The following PARD3B variants were observed in gnomAD, a reference collection of about 807,000 sequenced individuals.
The protein encoded by PARD3B is partitioning defective 3 homolog B.
A neutral mutation model predicts 130.2 loss-of-function variants in PARD3B; 103 were observed. That is an observed-to-expected ratio of 0.79 (90% CI 0.67 to 0.93). The LOEUF (loss-of-function observed/expected upper bound fraction) is 0.93, where lower values mean the gene tolerates loss of function less well. PARD3B is among the 40% of genes least tolerant of loss of function. The pLI, the probability that PARD3B is intolerant of heterozygous loss-of-function variation, is 0.00. For synonymous variants in PARD3B, 583 were observed against 553.2 expected, an observed-to-expected ratio of 1.05 and a Z score of -0.76; for missense variants, 1,609 against 1,499.2, an observed-to-expected ratio of 1.07 and a Z score of -1.21.
chr2:205,425,574 AC>A (rs1559081654), intron 19 of PARD3B, among the ~76,000 whole-genome samples: 2 of 151,442 alleles, frequency 1.3e-5, no homozygotes, highest in African/African-American at 4.9e-5. Flanking sequence ...AAAAACAACA[AC>A]ATTTGATTTG....
At chr2:205,204,542 G>A (rs1223387779) in intron 15 of PARD3B, among the ~76,000 whole-genome samples, 2 of 152,170 alleles carry the variant, frequency 1.3e-5, no homozygotes, top group Non-Finnish European at 2.9e-5. Flanking sequence ...TGAGCTGAAT[G>A]GTATTGCCTA....
chr2:204,755,195 A>G (rs2040614638), intron 2 of PARD3B, among the ~76,000 whole-genome samples: 1 of 152,250 alleles, frequency 6.6e-6, no homozygotes, highest in South Asian at 2.1e-4. Flanking sequence ...TGCTAGTGCC[A>G]TAATTTAGGG....
chr2:204,914,296 A>G (rs901671033), intron 2 of PARD3B, among the ~76,000 whole-genome samples: 1 of 152,168 alleles, frequency 6.6e-6, no homozygotes, highest in Non-Finnish European at 1.5e-5. Context: ...TGCAAGCCTA[A>G]TCTTTCCTGG....
intron 1 of PARD3B, among the ~76,000 whole-genome samples, chr2:204,612,531 G>C (rs2033965732): frequency 6.6e-6 from 1 of 152,096 alleles, no homozygotes; most frequent in African/African-American, 2.4e-5. Flanking sequence ...AGATTGGTTT[G>C]CTTTGTCAAC....
intron 20 of PARD3B, among the ~76,000 whole-genome samples, chr2:205,456,307 A>C (rs2048274883): frequency 6.6e-6 from 1 of 152,118 alleles, no homozygotes; most frequent in African/African-American, 2.4e-5. Context: ...TATTACAAAC[A>C]GAGTTGCTAT....
intron 1 of PARD3B, among the ~76,000 whole-genome samples, chr2:204,559,210 A>C (rs1350913050): frequency 6.6e-6 from 1 of 152,240 alleles, no homozygotes; most frequent in East Asian, 1.9e-4. Context: ...ATTAAACTAA[A>C]GAGCTTCTGC....
chr2:205,406,659 CTTTTTTTTTTTTTTTTT>C (rs777517284), intron 19 of PARD3B, among the ~76,000 whole-genome samples: 2 of 87,426 alleles, frequency 2.3e-5, no homozygotes, highest in Admixed American at 2.5e-4. Context: ...TCTTGTGTAT[CTTTTTTTTTTTTTTTTT>C]TTTTTTTTTT....
chr2:204,728,260 T>C (rs2039328662), intron 2 of PARD3B, among the ~76,000 whole-genome samples: 1 of 152,070 alleles, frequency 6.6e-6, no homozygotes, highest in Non-Finnish European at 1.5e-5. Flanking sequence ...TTCTAGAAAG[T>C]TGTTGGGTAA....
chr2:205,599,185 G>A (rs1218208900), intron 22 of PARD3B, among the ~76,000 whole-genome samples: 1 of 152,304 alleles, frequency 6.6e-6, no homozygotes, highest in South Asian at 2.1e-4. Flanking sequence ...AGAGGTTCAT[G>A]AATATGTTAT....
Position 205,253,440 on chromosome 2 carries a change from C to T in PARD3B, c.2185+7618C>T, listed in dbSNP as rs1443990865. 1.4e-5 allele frequency: 8 copies of T among 563,602 alleles called. No individual in the cohort carries two copies. The East Asian group carries it at 3.8e-4, about 26-fold the overall frequency. The allele number at this position is 563,602 out of a possible 1,614,324, so 34.9% of individuals were successfully genotyped here. The stretch of plus-strand genomic sequence containing the variant: ...CTTGGCTGGGCTGGTGGATGGGAAG[C>T]CAGTATGGATCACCTTGTGGATGGA... On this transcript the variant is annotated intron_variant, in intron 16 of 22. Transcript: ENST00000406610. This position sits in a 1 kb window ranked among gnomAD's most constrained non-coding sequence, Gnocchi z 4.4.
chr2:204,949,370 T>A (rs1379544469), intron 2 of PARD3B, among the ~76,000 whole-genome samples: 1 of 152,000 alleles, frequency 6.6e-6, no homozygotes, highest in Non-Finnish European at 1.5e-5. Flanking sequence ...CAGGCTAGAG[T>A]CCAGTGGCAC....
At chr2:204,898,848 A>C (rs1236977404) in intron 2 of PARD3B, among the ~76,000 whole-genome samples, 2 of 152,144 alleles carry the variant, frequency 1.3e-5, no homozygotes, top group Admixed American at 1.3e-4. Context: ...CTCTTGCCGA[A>C]TTGACCTCTT....
At chr2:205,317,517 GGTAACCAACTCA>G (rs2042602522) in intron 18 of PARD3B, among the ~76,000 whole-genome samples, 1 of 151,898 alleles carries the variant, frequency 6.6e-6, no homozygotes, top group Admixed American at 6.6e-5. Flanking sequence ...TTTGAATTAG[GGTAACCAACTCA>G]TCCCACTTTG....
intron 2 of PARD3B, among the ~76,000 whole-genome samples, chr2:204,960,723 G>T (rs565976268): frequency 2.6e-5 from 4 of 152,048 alleles, no homozygotes; most frequent in Admixed American, 6.6e-5. Context: ...AGCCAATGGG[G>T]ATACACAATC....
intron 18 of PARD3B, among the ~76,000 whole-genome samples, chr2:205,357,322 G>A (rs146296704): frequency 3.9e-5 from 6 of 152,234 alleles, no homozygotes; most frequent in East Asian, 1.9e-4. Context: ...TACACACTTC[G>A]GATTGGGTGT....
chr2:205,201,172 G>C (rs1341078644), intron 15 of PARD3B, among the ~76,000 whole-genome samples: 2 of 152,176 alleles, frequency 1.3e-5, no homozygotes, highest in East Asian at 3.9e-4. Context: ...ATGCCTGAAA[G>C]AGAGATGATT....
rs73060183 is a variant in PARD3B at position 205,575,987 on chromosome 2, A to G, written c.3260+22584A>G. Among the ~76,000 whole-genome samples the G allele has an allele frequency of 7.9e-3, 1,196 of 152,278 alleles. 16 individuals carry two copies. The highest frequency in any genetic ancestry group is 0.026 in the African/African-American group (1,075 of 41,554). ...AGTGGCTGTACCATTTTGAATTCCC[A>G]CAAGCAATGAGTGAGAGTTCCTGTT... On this transcript the variant is annotated intron_variant, in intron 22 of 22. Coordinates refer to ENST00000406610, the MANE Select transcript of PARD3B (RefSeq NM_001302769.2). The surrounding 1 kb of genome is among the most constrained non-coding windows in gnomAD (Gnocchi z 4.6).
intron 2 of PARD3B, among the ~76,000 whole-genome samples, chr2:204,691,024 CACAG>C (rs1405322279): frequency 1.3e-5 from 2 of 152,058 alleles, no homozygotes; most frequent in South Asian, 2.1e-4. Flanking sequence ...ATTTCAAAGT[CACAG>C]ACAAACAGCC....
chr2:204,802,901 A>G (rs2042622298), intron 2 of PARD3B, among the ~76,000 whole-genome samples: 1 of 151,998 alleles, frequency 6.6e-6, no homozygotes, highest in East Asian at 1.9e-4. Context: ...TGATGGGTTG[A>G]TGGGTGCAGC....
Sources: allele counts gnomAD v4.1 joint callset (sites outside exome capture counted in the v4.1 genomes callset), GRCh38; gene constraint gnomAD v4.1.1; non-coding constraint Gnocchi (gnomAD v3.1); transcripts MANE v1.5; gene names NCBI Gene and HGNC (gene_info 2026-07-23, HGNC 2026-07-21).